The following GMNN variants were observed in gnomAD, a reference collection of about 807,000 sequenced individuals.
The protein encoded by GMNN is geminin DNA replication inhibitor.
GMNN carries 14 observed loss-of-function variants against 20.9 expected under a neutral mutation model. The observed-to-expected ratio is 0.67, with a 90% CI of 0.44 to 1.05. The LOEUF (loss-of-function observed/expected upper bound fraction) is 1.05. Among genes scored for constraint, GMNN ranks in the 50% least tolerant of loss-of-function variants. The probability of loss-of-function intolerance (pLI) is 0.00; values close to 1 mark genes in which losing one functional copy is unlikely to be tolerated. For missense variants in GMNN, 227 were observed against 243.8 expected, an observed-to-expected ratio of 0.93 and a Z score of 0.46; for synonymous variants, 81 against 85.8, an observed-to-expected ratio of 0.94 and a Z score of 0.31.
intron 1 of GMNN, among the ~76,000 whole-genome samples, chr6:24,776,333 G>A (rs1220136154): frequency 6.6e-6 from 1 of 152,118 alleles, no homozygotes; most frequent in Non-Finnish European, 1.5e-5. Flanking sequence ...TCTGACCTCA[G>A]GTGATCCGCT....
chr6:24,778,115 C>T (rs1780121058), intron 2 of GMNN, among the ~76,000 whole-genome samples: 1 of 152,132 alleles, frequency 6.6e-6, no homozygotes. Flanking sequence ...AGTTAATTTA[C>T]AATTTAGCTA....
At chr6:24,783,758 A>G (rs1049230263) in intron 4 of GMNN, among the ~76,000 whole-genome samples, 4 of 152,108 alleles carry the variant, frequency 2.6e-5, no homozygotes, top group Non-Finnish European at 5.9e-5. Flanking sequence ...AATTAAGGAC[A>G]GTGTACAAAA....
intron 6 of GMNN, among the ~76,000 whole-genome samples, chr6:24,785,258 T>C (rs559496495): frequency 2.6e-5 from 4 of 152,302 alleles, no homozygotes; most frequent in African/African-American, 9.6e-5. Flanking sequence ...CATGATAGAA[T>C]TAATATTTGA....
At position 24,784,158 on chromosome 6, in the gene GMNN, GA is replaced by G; in HGVS notation, c.350del (p.Asn117MetfsTer18). 2 of 1,474,698 alleles carry G rather than the reference GA, an allele frequency of 1.4e-6. No individual in the cohort carries two copies. Among genetic ancestry groups the G allele is most frequent in the Non-Finnish European group, 1.9e-6 (2 of 1,054,726 alleles). The allele number at this position is 1,474,698 out of a possible 1,614,324, so 91.4% of individuals were successfully genotyped here. ...RRKALYEALKENEKLHKEIEQ... is the reference protein window; with the variant it reads ...RRKALYEALKXNEKLHKEIEQ... ...AAAGGCGCTGTATGAAGCACTTAAG[GA>G]AAATGAGAAAGTATGTATTGAGTAT... On this transcript the variant is annotated frameshift_variant, in exon 5 of 7. Transcript: ENST00000230056. LOFTEE classifies it high-confidence loss of function.
chr6:24,783,465 A>T (rs1210974282), intron 4 of GMNN, among the ~76,000 whole-genome samples: 14 of 152,252 alleles, frequency 9.2e-5, no homozygotes, highest in African/African-American at 3.1e-4. Flanking sequence ...CTTAGGTAAA[A>T]AGTTGTTGGA....
At chr6:24,784,863 A>T (rs1479123275) in intron 6 of GMNN, among the ~76,000 whole-genome samples, 2 of 152,160 alleles carry the variant, frequency 1.3e-5, no homozygotes, top group African/African-American at 4.8e-5. Flanking sequence ...CAGTAACTTA[A>T]TTATTGTTAT....
intron 2 of GMNN, among the ~76,000 whole-genome samples, chr6:24,780,379 C>T (rs964296357): frequency 6.6e-6 from 1 of 152,110 alleles, no homozygotes; most frequent in African/African-American, 2.4e-5. Context: ...AGAGAAGTTA[C>T]GTGTGTTTGT....
chr6:24,781,709 C>G (rs1780226063), intron 4 of GMNN, 88 bp downstream of exon 4: 1 of 561,476 alleles, frequency 1.8e-6, no homozygotes, highest in African/African-American at 1.9e-5. Flanking sequence ...CTGCCAATTA[C>G]TGTAATCTGG....
intron 1 of GMNN, chr6:24,775,583 G>A (rs1251832074): frequency 6.6e-6 from 1 of 152,290 alleles, no homozygotes; most frequent in African/African-American, 2.4e-5. Context: ...GGCTGGTCCT[G>A]ATCTGAGGGA....
chr6:24,776,173 C>T (rs945732411), intron 1 of GMNN, among the ~76,000 whole-genome samples: 3 of 152,086 alleles, frequency 2.0e-5, no homozygotes, highest in Non-Finnish European at 4.4e-5. Flanking sequence ...TCTCGGCTCA[C>T]TGCCACCTCC....
chr6:24,776,129 G>A (rs1421915233), intron 1 of GMNN, among the ~76,000 whole-genome samples: 1 of 150,722 alleles, frequency 6.6e-6, no homozygotes, highest in African/African-American at 2.4e-5. Flanking sequence ...ACGGAGTCTC[G>A]CTCTGTTGCC....
chr6:24,780,111 T>C (rs1429910766), intron 2 of GMNN, among the ~76,000 whole-genome samples: 1 of 152,248 alleles, frequency 6.6e-6, no homozygotes, highest in Non-Finnish European at 1.5e-5. Flanking sequence ...GTGTAAATGA[T>C]TAACCATTTC....
Position 24,777,271 on chromosome 6 carries a change from C to A in GMNN, c.25C>A (p.Gln9Lys). MNPSMKQKQEEIKENIKNS... is the reference protein window; with the variant it reads MNPSMKQKKEEIKENIKNS... The stretch of plus-strand genomic sequence containing the variant: ...AATGAATCCCAGTATGAAGCAGAAA[C>A]AAGAAGAAATCAAAGAGAATATAAA... The change falls in exon 2 of 7, where the codon CAA becomes AAA. Residue 9 changes from glutamine to lysine, a missense_variant. Physicochemically the swap from Gln to Lys is moderately conservative, Grantham distance 53. Transcript: ENST00000230056. The A allele has an allele frequency of 7.1e-7, 1 of 1,408,314 alleles. No homozygotes were observed. The highest frequency in any genetic ancestry group is 9.8e-7 in the Non-Finnish European group (1 of 1,021,446). 87.2% of individuals were successfully genotyped at this position (1,408,314 alleles called of 1,614,324 possible). A position where few individuals can be genotyped will look rare whatever the true frequency, so the allele number is the denominator to read the frequency against.
chr6:24,776,204 A>C (rs1261081952), intron 1 of GMNN, among the ~76,000 whole-genome samples: 1 of 151,476 alleles, frequency 6.6e-6, no homozygotes, highest in Admixed American at 6.6e-5. Flanking sequence ...TTCAAGCGAT[A>C]CTCCTGCCTC....
In GMNN at chr6:24,785,877, C is replaced by T; in HGVS notation, c.*78C>T. The T allele has an allele frequency of 1.2e-6, 1 of 808,392 alleles. No homozygotes were observed. Among genetic ancestry groups the T allele is most frequent in the East Asian group, 2.8e-5 (1 of 36,050 alleles). 50.1% of individuals were successfully genotyped at this position (808,392 alleles called of 1,614,324 possible). On this transcript the variant is annotated 3_prime_UTR_variant, in exon 7 of 7. Transcript: ENST00000230056. ...TAGTTCTTTGTAGCAGAGTACATAA[C>T]TACATAATGCCAACTCTGGAATCAA...
At chr6:24,777,134 T>C in intron 1 of GMNN, 88 bp from the exon 2 acceptor site, 1 of 497,860 alleles carries the variant, frequency 2.0e-6, no homozygotes, top group East Asian at 3.4e-5. Flanking sequence ...AGTTCTACTG[T>C]ACAATAGTAT....
chr6:24,784,457 T>C lies in GMNN; in HGVS notation c.371T>C (p.Ile124Thr). Residue 124 changes from isoleucine (I) to threonine (T), a missense_variant, in exon 6 of 7, where the codon ATT becomes ACT. Ile to Thr is a moderately conservative substitution (Grantham distance 89). Coordinates refer to ENST00000230056, the MANE Select transcript of GMNN (RefSeq NM_015895.5). ...LKENEKLHKEIEQKDNEIARL... is the reference protein window; with the variant it reads ...LKENEKLHKETEQKDNEIARL... ...TATGTAATACAGCTTCATAAAGAAA[T>C]TGAACAAAAGGACAATGAAATTGCC... is the stretch of plus-strand genomic sequence containing the variant. 1 of 1,524,718 alleles carries C rather than the reference T, an allele frequency of 6.6e-7. No homozygotes were observed. The highest frequency in any genetic ancestry group is 1.1e-5 in the South Asian group (1 of 88,990). 94.4% of individuals were successfully genotyped at this position (1,524,718 alleles called of 1,614,324 possible). A position where few individuals can be genotyped will look rare whatever the true frequency, so the allele number is the denominator to read the frequency against.
At chr6:24,778,670 A>G (rs1264689197) in intron 2 of GMNN, among the ~76,000 whole-genome samples, 4 of 151,056 alleles carry the variant, frequency 2.6e-5, no homozygotes, top group Non-Finnish European at 5.9e-5. Context: ...CGCATTGACA[A>G]TTTGTGAATT....
At position 24,781,460 on chromosome 6, in the gene GMNN, A is replaced by G. The variant is rs1780215921; in HGVS notation, c.130-17A>G. ...TTAAATCAAAGTAAATACAGTTGATAAGTGTTTTCATTATAGCTGTCCGCA... is the reference window on the plus strand; with the variant it reads ...TTAAATCAAAGTAAATACAGTTGATGAGTGTTTTCATTATAGCTGTCCGCA... On this transcript the variant is annotated splice_polypyrimidine_tract_variant and intron_variant, in intron 3 of 6. Coordinates refer to ENST00000230056, the MANE Select transcript of GMNN (RefSeq NM_015895.5). The G allele has an allele frequency of 1.9e-6, 3 of 1,542,624 alleles. No homozygotes were observed. Among genetic ancestry groups the G allele is most frequent in the African/African-American group, 1.4e-5 (1 of 72,336 alleles).
Sources: gnomAD v4.1 joint callset for allele counts (sites outside exome capture counted in the v4.1 genomes callset) on GRCh38, gnomAD v4.1.1 for gene constraint, MANE v1.5 for transcripts, NCBI Gene and HGNC (gene_info 2026-07-23, HGNC 2026-07-21) for gene names.